Variants in RAI14 observed in about 807,000 individuals in gnomAD.
The protein encoded by RAI14 is retinoic acid induced 14.
A neutral mutation model predicts 115.4 loss-of-function variants in RAI14; 45 were observed. The observed-to-expected ratio is 0.39, with a 90% CI of 0.31 to 0.50. The LOEUF is 0.50. Among genes scored for constraint, RAI14 ranks in the 20% least tolerant of loss-of-function variants. RAI14 has a pLI of 0.85. For synonymous variants in RAI14, 371 were observed against 415.4 expected (o/e 0.89, Z 1.30); for missense variants, 939 against 1,131.2 (o/e 0.83, Z 2.44).
chr5:34,788,298 A>G (rs1324039812), intron 3 of RAI14, among the ~76,000 whole-genome samples: 1 of 152,036 alleles, frequency 6.6e-6, no homozygotes, highest in Non-Finnish European at 1.5e-5. Flanking sequence ...GGTCAGCAGC[A>G]TCTCTGGCCT....
chr5:34,803,137 C>T (rs533326997), intron 4 of RAI14, among the ~76,000 whole-genome samples: 1 of 152,318 alleles, frequency 6.6e-6, no homozygotes, highest in South Asian at 2.1e-4. Flanking sequence ...GAATCCACCG[C>T]AAGTGTCTAG....
intron 1 of RAI14, among the ~76,000 whole-genome samples, chr5:34,674,663 C>G (rs1006577586): frequency 1.2e-4 from 18 of 150,418 alleles, no homozygotes; most frequent in African/African-American, 3.9e-4. Context: ...CACCTGACTG[C>G]GACCTCCGCC....
At chr5:34,760,173 C>T (rs1252317471) in intron 3 of RAI14, among the ~76,000 whole-genome samples, 2 of 152,166 alleles carry the variant, frequency 1.3e-5, no homozygotes, top group Admixed American at 6.5e-5. Flanking sequence ...CTCAGCCTCC[C>T]GAGTAGCTGG....
chr5:34,730,873 C>T (rs956457385), intron 2 of RAI14, among the ~76,000 whole-genome samples: 3 of 152,180 alleles, frequency 2.0e-5, no homozygotes, highest in Admixed American at 1.3e-4. Flanking sequence ...ATCCCAGCTA[C>T]TCTGGAGGCT....
intron 1 of RAI14, among the ~76,000 whole-genome samples, chr5:34,669,144 C>T (rs1438194710): frequency 1.3e-5 from 2 of 152,218 alleles, no homozygotes; most frequent in East Asian, 3.9e-4. Flanking sequence ...CGTGAGCCAC[C>T]ACACCCAGCC....
chr5:34,771,946 G>A (rs970214207), intron 3 of RAI14, among the ~76,000 whole-genome samples: 5 of 152,190 alleles, frequency 3.3e-5, no homozygotes, highest in East Asian at 1.9e-4. Flanking sequence ...TGTTGCCCAC[G>A]TTGGAGTGCA....
chr5:34,699,028 C>T (rs984790424), intron 2 of RAI14, among the ~76,000 whole-genome samples: 1 of 152,156 alleles, frequency 6.6e-6, no homozygotes, highest in Admixed American at 6.5e-5. Context: ...GTGAGTGCCC[C>T]TCATCTCCTG....
At chr5:34,677,025 G>A (rs1320287435) in intron 1 of RAI14, among the ~76,000 whole-genome samples, 1 of 152,080 alleles carries the variant, frequency 6.6e-6, no homozygotes, top group Non-Finnish European at 1.5e-5. Context: ...CATTCATAAC[G>A]TATCTGGTTT....
chr5:34,796,819 T>TAC (rs929570691), intron 4 of RAI14, among the ~76,000 whole-genome samples: 2 of 151,636 alleles, frequency 1.3e-5, no homozygotes, highest in Admixed American at 6.6e-5. Flanking sequence ...GAATAAACAG[T>TAC]ACACACACAC....
At chr5:34,817,545 G>A (rs956412425) in intron 12 of RAI14, among the ~76,000 whole-genome samples, 3 of 152,120 alleles carry the variant, frequency 2.0e-5, no homozygotes, top group African/African-American at 7.2e-5. Flanking sequence ...GTATGCAAAT[G>A]TTTGTAGCAG....
chr5:34,748,014 C>T (rs942986582), intron 2 of RAI14, among the ~76,000 whole-genome samples: 3 of 152,178 alleles, frequency 2.0e-5, no homozygotes, highest in Non-Finnish European at 4.4e-5. Flanking sequence ...CTAACCTGGT[C>T]CTGGTGGCCA....
At chr5:34,688,067 G>C in intron 2 of RAI14, 2 of 1,448,438 alleles carry the variant, frequency 1.4e-6, no homozygotes, top group Non-Finnish European at 1.8e-6. Flanking sequence ...TTATCCTTTA[G>C]GTAAATTAAA....
intron 2 of RAI14, among the ~76,000 whole-genome samples, chr5:34,706,039 A>T (rs147481810): frequency 6.6e-6 from 1 of 152,308 alleles, no homozygotes; most frequent in Non-Finnish European, 1.5e-5. Context: ...GATTTTCCGT[A>T]TGGAGCATCT....
intron 1 of RAI14, among the ~76,000 whole-genome samples, chr5:34,672,587 C>T (rs1457831074): frequency 6.6e-6 from 1 of 152,164 alleles, no homozygotes; most frequent in East Asian, 1.9e-4. Flanking sequence ...ATAGAACAGC[C>T]TGCAGTGTTC....
chr5:34,745,259 A>C (rs1189566003), intron 2 of RAI14, among the ~76,000 whole-genome samples: 1 of 152,190 alleles, frequency 6.6e-6, no homozygotes, highest in Admixed American at 6.5e-5. Flanking sequence ...TCAGCAAATC[A>C]CAAGAAGCCA....
intron 2 of RAI14, among the ~76,000 whole-genome samples, chr5:34,699,510 TTG>T (rs1739770342): frequency 6.6e-6 from 1 of 152,190 alleles, no homozygotes; most frequent in African/African-American, 2.4e-5. Flanking sequence ...GTTTGCATGT[TTG>T]TTACCAAATT....
intron 3 of RAI14, among the ~76,000 whole-genome samples, chr5:34,762,208 C>T (rs1748744081): frequency 6.6e-6 from 1 of 152,164 alleles, no homozygotes; most frequent in South Asian, 2.1e-4. Context: ...GGTGAATTAA[C>T]TTGGATTCAG....
chr5:34,783,978 G>T (rs1285359209), intron 3 of RAI14, among the ~76,000 whole-genome samples: 2 of 152,198 alleles, frequency 1.3e-5, no homozygotes, highest in African/African-American at 4.8e-5. Flanking sequence ...ACATAAGCTA[G>T]TCTCCCAAAT....
chr5:34,762,928 CATGTGTGTGTGTGTGTGTGT>C (rs772270731), intron 3 of RAI14, among the ~76,000 whole-genome samples: 13,730 of 98,880 alleles, frequency 0.14, 810 homozygotes, highest in Non-Finnish European at 0.19. Context: ...GGAGTGTGTG[CATGTGTGTGTGTGTGTGTGT>C]GTGTGTGTGT....
Sources: gnomAD v4.1 joint callset for allele counts (sites outside exome capture counted in the v4.1 genomes callset) on GRCh38, gnomAD v4.1.1 for gene constraint, MANE v1.5 for transcripts, NCBI Gene and HGNC (gene_info 2026-07-23, HGNC 2026-07-21) for gene names.